LHFPL2: variants seen among roughly 807,000 people sequenced by gnomAD.
The protein encoded by LHFPL2 is LHFPL tetraspan subfamily member 2.
Under a neutral mutation model 17.5 loss-of-function variants are expected in LHFPL2, and 7 were observed. The observed-to-expected ratio is 0.40, with a 90% CI of 0.23 to 0.75. The LOEUF (loss-of-function observed/expected upper bound fraction) is 0.75. Ranked by LOEUF, LHFPL2 falls within the 30% of genes least tolerant of loss-of-function variation. The probability of loss-of-function intolerance (pLI) is 0.37; values close to 1 mark genes in which losing one functional copy is unlikely to be tolerated. For synonymous variants in LHFPL2, 134 were observed against 116.2 expected (o/e 1.15, Z -0.99); for missense variants, 241 against 294.8 (o/e 0.82, Z 1.34).
chr5:78,566,308 G>A (rs1271719939), intron 2 of LHFPL2, among the ~76,000 whole-genome samples: 1 of 152,188 alleles, frequency 6.6e-6, no homozygotes, highest in Non-Finnish European at 1.5e-5. Flanking sequence ...AGGTTGAAAA[G>A]CCAACAGTGG....
At position 78,620,277 on chromosome 5, in the gene LHFPL2, T is replaced by C. The variant is rs967936847; in HGVS notation, c.-245+11987A>G. Reference sequence around the variant, plus strand: ...GCCAGTGATGGTGAGCATTTTTTCATGTGTTTTTTGGCTGCATAAATGTCT... The same window carrying C: ...GCCAGTGATGGTGAGCATTTTTTCACGTGTTTTTTGGCTGCATAAATGTCT... On this transcript the variant is annotated intron_variant, in intron 2 of 4. Coordinates refer to ENST00000380345, the MANE Select transcript of LHFPL2 (RefSeq NM_005779.3). 2.0e-5 allele frequency among the ~76,000 whole-genome samples: 3 copies of C among 152,144 alleles called. No homozygotes were observed. The East Asian group carries it at 5.8e-4, about 29-fold the overall frequency.
intron 4 of LHFPL2, among the ~76,000 whole-genome samples, chr5:78,493,553 G>A (rs568245981): frequency 5.4e-4 from 82 of 152,056 alleles, no homozygotes; most frequent in Non-Finnish European, 1.0e-3. Flanking sequence ...ATGATGCTGG[G>A]CACACAGCAG....
chr5:78,610,391 C>A, intron 2 of LHFPL2, among the ~76,000 whole-genome samples: 1 of 152,224 alleles, frequency 6.6e-6, no homozygotes, highest in East Asian at 1.9e-4. Flanking sequence ...TGGGCTTGTT[C>A]CACTTTTCCA....
chr5:78,639,287 C>T (rs1161347048), intron 1 of LHFPL2, among the ~76,000 whole-genome samples: 1 of 152,192 alleles, frequency 6.6e-6, no homozygotes, highest in African/African-American at 2.4e-5. Context: ...TTAGTTCCCT[C>T]TCATGCTGCC....
At chr5:78,525,413 C>A (rs1451250261) in intron 3 of LHFPL2, among the ~76,000 whole-genome samples, 1 of 152,126 alleles carries the variant, frequency 6.6e-6, no homozygotes, top group Non-Finnish European at 1.5e-5. Flanking sequence ...TAAATGGTAG[C>A]AATGATAATG....
intron 3 of LHFPL2, among the ~76,000 whole-genome samples, chr5:78,520,687 G>A (rs1459715291): frequency 6.6e-6 from 1 of 152,116 alleles, no homozygotes; most frequent in Non-Finnish European, 1.5e-5. Context: ...GGCCAAGGGT[G>A]GGAGCTGGCC....
At chr5:78,554,056 G>A (rs1337154849) in intron 3 of LHFPL2, among the ~76,000 whole-genome samples, 2 of 152,218 alleles carry the variant, frequency 1.3e-5, no homozygotes, top group African/African-American at 4.8e-5. Context: ...CTCCAGCATT[G>A]ATCAGGCGCT....
At position 78,488,817 on chromosome 5, in the gene LHFPL2, C is replaced by G; in HGVS notation, c.*80G>C. 1 of 1,525,372 alleles carries G rather than the reference C, an allele frequency of 6.6e-7. No individual in the cohort carries two copies. The highest frequency in any genetic ancestry group is 8.9e-7 in the Non-Finnish European group (1 of 1,121,414). The allele number at this position is 1,525,372 out of a possible 1,614,324, so 94.5% of individuals were successfully genotyped here. Reference sequence around the variant, plus strand: ...TGGCTTTGGTAGGTAAAGGTTAGTTCTCCACTTGACTCAAATGATGAAACT... The same window carrying G: ...TGGCTTTGGTAGGTAAAGGTTAGTTGTCCACTTGACTCAAATGATGAAACT... On this transcript the variant is annotated 3_prime_UTR_variant, in exon 5 of 5. Transcript: ENST00000380345.
intron 1 of LHFPL2, chr5:78,644,602 C>A: frequency 2.3e-6 from 1 of 438,534 alleles, no homozygotes; most frequent in South Asian, 2.8e-5. Flanking sequence ...TTTTGTCTCC[C>A]ATTTAGGAAG....
intron 4 of LHFPL2, among the ~76,000 whole-genome samples, chr5:78,494,745 C>A (rs1344230548): frequency 1.3e-5 from 2 of 152,348 alleles, no homozygotes; most frequent in African/African-American, 4.8e-5. Context: ...ATTTTCCTCA[C>A]AGAAGTTTTA....
At chr5:78,511,318 A>G (rs992166889) in intron 3 of LHFPL2, among the ~76,000 whole-genome samples, 1 of 152,166 alleles carries the variant, frequency 6.6e-6, no homozygotes, top group Admixed American at 6.5e-5. Context: ...CAACATGCCC[A>G]TTGTTTCTCA....
chr5:78,645,593 T>C (rs945009388), intron 1 of LHFPL2, among the ~76,000 whole-genome samples: 8 of 133,200 alleles, frequency 6.0e-5, no homozygotes, highest in Admixed American at 2.3e-4. Flanking sequence ...CACACACACA[T>C]TTTTTTTGAG....
intron 2 of LHFPL2, among the ~76,000 whole-genome samples, chr5:78,623,101 T>C (rs1036724802): frequency 1.8e-4 from 28 of 152,350 alleles, no homozygotes; most frequent in African/African-American, 6.3e-4. Flanking sequence ...AGCAAATTCT[T>C]ACAAAATAAC....
chr5:78,573,512 C>T (rs1304295513), intron 2 of LHFPL2, among the ~76,000 whole-genome samples: 1 of 152,220 alleles, frequency 6.6e-6, no homozygotes, highest in African/African-American at 2.4e-5. Flanking sequence ...GAGGCCAACA[C>T]ACTCAACCGC....
chr5:78,585,986 A>G (rs2112452979), intron 2 of LHFPL2, among the ~76,000 whole-genome samples: 1 of 152,278 alleles, frequency 6.6e-6, no homozygotes, highest in Non-Finnish European at 1.5e-5. Flanking sequence ...AAGGAGTAAT[A>G]AGGTCATTTT....
At chr5:78,599,483 T>TC (rs1164242413) in intron 2 of LHFPL2, among the ~76,000 whole-genome samples, 3 of 148,936 alleles carry the variant, frequency 2.0e-5, no homozygotes, top group African/African-American at 7.3e-5. Context: ...GTATTTTTTT[T>TC]TTTTTTTAGT....
At chr5:78,561,530 C>T (rs1756726094) in intron 3 of LHFPL2, among the ~76,000 whole-genome samples, 1 of 152,192 alleles carries the variant, frequency 6.6e-6, no homozygotes, top group Admixed American at 6.5e-5. Context: ...TGGGGTCATC[C>T]TCAGTTTATT....
At chr5:78,524,956 T>C (rs1332606467) in intron 3 of LHFPL2, among the ~76,000 whole-genome samples, 1 of 152,162 alleles carries the variant, frequency 6.6e-6, no homozygotes, top group African/African-American at 2.4e-5. Flanking sequence ...TCCTTGAGTA[T>C]TAAAGGTAAA....
intron 2 of LHFPL2, among the ~76,000 whole-genome samples, chr5:78,582,733 G>T (rs1202051525): frequency 6.6e-6 from 1 of 152,152 alleles, no homozygotes; most frequent in East Asian, 1.9e-4. Context: ...GAATAGGTAT[G>T]GTGTGGTGCT....
Sources: gnomAD v4.1 joint callset for allele counts (sites outside exome capture counted in the v4.1 genomes callset) on GRCh38, gnomAD v4.1.1 for gene constraint, MANE v1.5 for transcripts, NCBI Gene and HGNC (gene_info 2026-07-23, HGNC 2026-07-21) for gene names.